Variants in CD84 observed in about 807,000 individuals in gnomAD.
CD84 encodes SLAM family member 5.
CD84 carries 22 observed loss-of-function variants against 33.8 expected under a neutral mutation model. The observed-to-expected ratio is 0.65, with a 90% CI of 0.46 to 0.93. The LOEUF (loss-of-function observed/expected upper bound fraction) is 0.93. CD84 is among the 40% of genes least tolerant of loss of function. The probability of loss-of-function intolerance (pLI) is 0.00; values close to 1 mark genes in which losing one functional copy is unlikely to be tolerated. For synonymous variants in CD84, 154 were observed against 145.2 expected (o/e 1.06, Z -0.44); for missense variants, 400 against 397.6 (o/e 1.01, Z -0.05).
intron 3 of CD84, 102 bp downstream of exon 3, chr1:160,553,793 A>G: frequency 6.4e-7 from 1 of 1,562,080 alleles, no homozygotes; most frequent in Non-Finnish European, 8.7e-7. Flanking sequence ...GCCAAAGATA[A>G]AGGAAGCACA....
Position 160,565,457 on chromosome 1 carries a change from T to C in CD84, c.335A>G (p.Asn112Ser), listed in dbSNP as rs773158903. Reference protein sequence around the residue: ...EDAGDYKADINTQADPYTTTK... With the variant: ...EDAGDYKADISTQADPYTTTK... ...GGTGGTGTAGGGATCAGCCTGTGTA[T>C]TTATGTCTGCTTTGTAGTCTCCTGC... Residue 112 changes from asparagine to serine, a missense_variant, in exon 2 of 7, where the codon AAT becomes AGT. By Grantham distance (46) the Asn-to-Ser change is conservative. Coordinates refer to ENST00000368054, the MANE Select transcript of CD84 (RefSeq NM_003874.4). The C allele has an allele frequency of 1.2e-6, 2 of 1,613,870 alleles. No individual in the cohort carries two copies. Among genetic ancestry groups the C allele is most frequent in the African/African-American group, 2.7e-5 (2 of 75,022 alleles).
rs879247568 is a variant in CD84 at position 160,547,824 on chromosome 1, C to T, written c.*432G>A. On this transcript the variant is annotated 3_prime_UTR_variant, in exon 7 of 7. Coordinates refer to ENST00000368054, the MANE Select transcript of CD84 (RefSeq NM_003874.4). Reference sequence around the variant, plus strand: ...GAGCATCTTGGCTGGTGTGCCATGGCCTATTACAGGTGTGCAAAATATTGA... The same window carrying T: ...GAGCATCTTGGCTGGTGTGCCATGGTCTATTACAGGTGTGCAAAATATTGA... 1 of 204,968 alleles carries T rather than the reference C, an allele frequency of 4.9e-6. No homozygotes were observed. The highest frequency in any genetic ancestry group is 8.4e-5 in the South Asian group (1 of 11,934). 12.7% of individuals were successfully genotyped at this position (204,968 alleles called of 1,614,324 possible).
At chr1:160,553,072 G>A (rs1656343877) in intron 4 of CD84, 3 of 566,124 alleles carry the variant, frequency 5.3e-6, no homozygotes, top group South Asian at 4.1e-5. Flanking sequence ...CACATGTGAG[G>A]GCCCTGAGCT....
intron 4 of CD84, 86 bp from the exon 5 acceptor site, chr1:160,551,121 G>A: frequency 1.0e-6 from 1 of 966,158 alleles, no homozygotes; most frequent in South Asian, 1.3e-5. Flanking sequence ...TTTTTAAGAT[G>A]AAGAAAGGAA....
chr1:160,551,094 T>A, intron 4 of CD84, 59 bp from the exon 5 acceptor site: 1 of 1,199,574 alleles, frequency 8.3e-7, no homozygotes, highest in Admixed American at 1.7e-5. Flanking sequence ...TTAGCAATGA[T>A]CTATTCCAAT....
At chr1:160,570,641 G>A (rs1321909268) in intron 1 of CD84, among the ~76,000 whole-genome samples, 9 of 152,126 alleles carry the variant, frequency 5.9e-5, no homozygotes, top group African/African-American at 1.9e-4. Context: ...CAGGTGGATC[G>A]CTTGAGTCCA....
chr1:160,548,861 C>A (rs570309234), intron 6 of CD84, among the ~76,000 whole-genome samples: 1 of 152,330 alleles, frequency 6.6e-6, no homozygotes, highest in South Asian at 2.1e-4. Context: ...TGAGATGTCA[C>A]AATCCAGGAT....
Position 160,554,065 on chromosome 1 carries a change from A to G in CD84, c.470T>C (p.Val157Ala). The change falls in exon 3 of 7, where the codon GTA becomes GCA. Residue 157 changes from valine to alanine, a missense_variant. Transcript: ENST00000368054. ...STCNVTLTCS[V>A]EKEEKNVTYN... ...TGTCACATTCTTTTCTTCTTTCTCTACAGAGCATGTCAGTGTGACATTACA... is the reference window on the plus strand; with the variant it reads ...TGTCACATTCTTTTCTTCTTTCTCTGCAGAGCATGTCAGTGTGACATTACA... 6.2e-7 allele frequency: 1 copy of G among 1,614,128 alleles called. No individual in the cohort carries two copies. Among genetic ancestry groups the G allele is most frequent in the Non-Finnish European group, 8.5e-7 (1 of 1,180,012 alleles).
chr1:160,574,082 G>T (rs938710777), intron 1 of CD84, among the ~76,000 whole-genome samples: 6 of 150,706 alleles, frequency 4.0e-5, no homozygotes, highest in African/African-American at 9.8e-5. Flanking sequence ...GACAGGGCAA[G>T]ACTCTGTCTC....
intron 4 of CD84, chr1:160,551,310 T>C (rs1185242068): frequency 7.6e-6 from 3 of 392,540 alleles, no homozygotes; most frequent in Admixed American, 4.2e-5. Context: ...CAGTCAAATG[T>C]AGCTCTTCTA....
At chr1:160,552,596 T>G in intron 4 of CD84, 2 of 708,930 alleles carry the variant, frequency 2.8e-6, no homozygotes, top group Non-Finnish European at 5.0e-6. Flanking sequence ...AAGCTGGGAC[T>G]TTCACGCCTA....
At chr1:160,560,780 C>T (rs1432138876) in intron 2 of CD84, among the ~76,000 whole-genome samples, 2 of 151,844 alleles carry the variant, frequency 1.3e-5, no homozygotes, top group Non-Finnish European at 2.9e-5. Context: ...AGAGAAGAAT[C>T]AAATAAACAC....
chr1:160,562,209 T>A (rs767818632), intron 2 of CD84, among the ~76,000 whole-genome samples: 4 of 152,134 alleles, frequency 2.6e-5, no homozygotes, highest in Non-Finnish European at 4.4e-5. Flanking sequence ...ACATTCTTCA[T>A]AGAATTAGAA....
intron 1 of CD84, among the ~76,000 whole-genome samples, chr1:160,578,049 G>A (rs1460271894): frequency 6.6e-6 from 1 of 152,026 alleles, no homozygotes; most frequent in African/African-American, 2.4e-5. Flanking sequence ...AATGGGATTG[G>A]GATTAACCTT....
intron 1 of CD84, chr1:160,571,573 A>T (rs1469583009): frequency 6.6e-6 from 1 of 152,220 alleles, no homozygotes; most frequent in Non-Finnish European, 1.5e-5. Flanking sequence ...TGGAGGAAAA[A>T]CTTGACAGTG....
chr1:160,574,110 C>G (rs541910717), intron 1 of CD84, among the ~76,000 whole-genome samples: 7 of 116,296 alleles, frequency 6.0e-5, no homozygotes, highest in Non-Finnish European at 1.3e-4. Flanking sequence ...AAAACAAAAA[C>G]AAACAAAAAA....
At chr1:160,563,168 C>T (rs1326406791) in intron 2 of CD84, among the ~76,000 whole-genome samples, 1 of 152,104 alleles carries the variant, frequency 6.6e-6, no homozygotes, top group Non-Finnish European at 1.5e-5. Context: ...TAATTCCAAC[C>T]ATTGTGGAAG....
At chr1:160,548,355 T>A in intron 6 of CD84, 34 bp from the exon 7 acceptor site, 1 of 1,611,378 alleles carries the variant, frequency 6.2e-7, no homozygotes, top group East Asian at 2.2e-5. Flanking sequence ...AAATGTTAAC[T>A]GAGAGGTGCT....
At position 160,554,082 on chromosome 1, in the gene CD84, G is replaced by T. The variant is rs768147885; in HGVS notation, c.453C>A (p.Val151=). The T allele has an allele frequency of 2.5e-6, 4 of 1,614,144 alleles. No homozygotes were observed. The highest frequency in any genetic ancestry group is 4.5e-5 in the East Asian group (2 of 44,884). The part of the protein sequence containing the change: ...LMASVNSTCN[V]TLTCSVEKEE... ...CTTTCTCTACAGAGCATGTCAGTGTGACATTACAGGTGCTGTTCACAGATG... is the reference window on the plus strand; with the variant it reads ...CTTTCTCTACAGAGCATGTCAGTGTTACATTACAGGTGCTGTTCACAGATG... Residue 151 remains valine (V), a synonymous_variant, in exon 3 of 7, where the codon GTC becomes GTA. Transcript: ENST00000368054.
Sources: allele counts gnomAD v4.1 joint callset (sites outside exome capture counted in the v4.1 genomes callset), GRCh38; gene constraint gnomAD v4.1.1; transcripts MANE v1.5; gene names NCBI Gene and HGNC (gene_info 2026-07-23, HGNC 2026-07-21).